Variants in IQUB observed in about 807,000 individuals in gnomAD.
IQUB encodes the protein IQ motif and ubiquitin domain containing, also known as IQ motif and ubiquitin-like domain-containing protein.
IQUB carries 86 observed loss-of-function variants against 86.4 expected under a neutral mutation model. The ratio of observed to expected loss-of-function variants is 1.00; its 90% CI spans 0.84 to 1.19. The LOEUF (loss-of-function observed/expected upper bound fraction) is 1.19, where lower values mean the gene tolerates loss of function less well. Ranked by LOEUF, IQUB falls within the 50% of genes most tolerant of loss-of-function variation. The pLI, the probability that IQUB is intolerant of heterozygous loss-of-function variation, is 0.00. For missense variants in IQUB, 946 were observed against 916.9 expected (o/e 1.03, Z -0.41); for synonymous variants, 289 against 304.5 (o/e 0.95, Z 0.53).
intron 10 of IQUB, among the ~76,000 whole-genome samples, chr7:123,462,459 C>T (rs1177677242): frequency 6.6e-6 from 1 of 151,738 alleles, no homozygotes; most frequent in Non-Finnish European, 1.5e-5. Context: ...TGCACCTTCC[C>T]CTCTACTCTG....
At chr7:123,474,965 C>T (rs1424521225) in intron 8 of IQUB, among the ~76,000 whole-genome samples, 1 of 152,166 alleles carries the variant, frequency 6.6e-6, no homozygotes, top group African/African-American at 2.4e-5. Context: ...TTCATCCTTC[C>T]CTCAATTCTC....
intron 9 of IQUB, among the ~76,000 whole-genome samples, chr7:123,465,825 TTA>T (rs904361153): frequency 6.6e-6 from 1 of 152,020 alleles, no homozygotes; most frequent in Non-Finnish European, 1.5e-5. Context: ...TTTAAAAATT[TTA>T]ATATTGTCCT....
chr7:123,505,604 T>C (rs1336222667), intron 3 of IQUB, among the ~76,000 whole-genome samples: 1 of 152,202 alleles, frequency 6.6e-6, no homozygotes, highest in African/African-American at 2.4e-5. Flanking sequence ...GGAGCCCTTT[T>C]AGCCAGAGCA....
rs185315845 is a variant in IQUB at position 123,509,745 on chromosome 7, T to C, written c.532+156A>G. Among the ~76,000 whole-genome samples the C allele has an allele frequency of 2.3e-3, 347 of 152,310 alleles. 2 individuals are homozygous for C. The highest frequency in any genetic ancestry group is 4.0e-3 in the Non-Finnish European group (275 of 67,990). On this transcript the variant is annotated intron_variant, in intron 3 of 12. Transcript: ENST00000324698. ...TTAGCAAAGTATCTAGAACAAAGTA[T>C]GTCCTTACTAAATATGTATTGAATG... is the stretch of plus-strand genomic sequence containing the variant.
At chr7:123,502,877 A>G in intron 5 of IQUB, 67 bp downstream of exon 5, 1 of 1,422,840 alleles carries the variant, frequency 7.0e-7, no homozygotes, top group East Asian at 2.3e-5. Flanking sequence ...GAAATTTGAG[A>G]GAGTCATACA....
intron 8 of IQUB, among the ~76,000 whole-genome samples, chr7:123,472,008 C>T (rs7801021): frequency 0.015 from 2,343 of 152,084 alleles, 56 homozygotes; most frequent in African/African-American, 0.053. Context: ...GAGGCCAAGG[C>T]GGGCAGATTA....
At chr7:123,452,988 T>C (rs565731544) in intron 12 of IQUB, 63 bp from the exon 13 acceptor site, 11 of 1,273,308 alleles carry the variant, frequency 8.6e-6, no homozygotes, top group East Asian at 4.9e-5. Flanking sequence ...GTAAAAATAC[T>C]GTCATGCCTC....
chr7:123,510,208 C>A (rs573390743), intron 2 of IQUB, among the ~76,000 whole-genome samples, 173 bp from the exon 3 acceptor site: 1 of 152,158 alleles, frequency 6.6e-6, no homozygotes, highest in South Asian at 2.1e-4. Flanking sequence ...TTTTAATTTT[C>A]TATAAGGAGA....
intron 1 of IQUB, among the ~76,000 whole-genome samples, chr7:123,531,882 A>G (rs1417920801): frequency 6.6e-6 from 1 of 152,236 alleles, no homozygotes; most frequent in East Asian, 1.9e-4. Flanking sequence ...CACTTCCATT[A>G]GCAAGCTCAA....
At chr7:123,512,421 G>C in intron 1 of IQUB, 77 bp from the exon 2 acceptor site, 2 of 802,342 alleles carry the variant, frequency 2.5e-6, no homozygotes, top group Non-Finnish European at 3.7e-6. Flanking sequence ...TGCTAGTATA[G>C]AGTAACATTC....
Position 123,503,061 on chromosome 7 carries a change from T to C in IQUB, c.750A>G (p.Lys250=), listed in dbSNP as rs1796020478. The C allele has an allele frequency of 1.2e-5, 20 of 1,613,332 alleles. No individual in the cohort carries two copies. The highest frequency in any genetic ancestry group is 1.7e-5 in the Non-Finnish European group (20 of 1,179,668). ...PVEIVKSDFH[K]PFLGGFRHKV... is the part of the protein sequence containing the mutation. ...TATGTCTGAATCCACCAAGAAATGG[T>C]TTGTGAAAGTCAGATTTGACAATCT... The change falls in exon 5 of 13, where the codon AAA becomes AAG. Residue 250 remains lysine, a synonymous_variant. Coordinates refer to ENST00000324698, the MANE Select transcript of IQUB (RefSeq NM_178827.5).
In IQUB at chr7:123,507,450, C is replaced by T. The variant is rs556860783; in HGVS notation, c.532+2451G>A. ...ATGCATTTTTGACATATGATGTTTC[C>T]AATTTATGACAGGTTTACTGGGACA... On this transcript the variant is annotated intron_variant, in intron 3 of 12. Transcript: ENST00000324698. 4.6e-5 allele frequency among the ~76,000 whole-genome samples: 7 copies of T among 152,268 alleles called. No individual in the cohort carries two copies. The East Asian group carries it at 1.2e-3, about 25-fold the overall frequency.
intron 10 of IQUB, chr7:123,462,980 T>G (rs1794072012): frequency 3.0e-6 from 1 of 333,188 alleles, no homozygotes. Context: ...TTCCTTCAAA[T>G]TCTTCTCCCA....
chr7:123,518,328 C>T (rs989482975), intron 1 of IQUB, among the ~76,000 whole-genome samples: 2 of 151,900 alleles, frequency 1.3e-5, no homozygotes, highest in African/African-American at 4.8e-5. Flanking sequence ...CCAACCCCTG[C>T]CAAAAAAATC....
At chr7:123,529,724 T>TA (rs753026777) in intron 1 of IQUB, among the ~76,000 whole-genome samples, 1,402 of 35,792 alleles carry the variant, frequency 0.039, 276 homozygotes, top group African/African-American at 0.12. Flanking sequence ...TGTCTCTACT[T>TA]AAAAAAAAAA....
chr7:123,508,355 G>A (rs1286065285), intron 3 of IQUB, among the ~76,000 whole-genome samples: 1 of 152,154 alleles, frequency 6.6e-6, no homozygotes, highest in Non-Finnish European at 1.5e-5. Flanking sequence ...CGAAATATAT[G>A]TGCTGCTTTA....
intron 6 of IQUB, among the ~76,000 whole-genome samples, chr7:123,497,780 C>A (rs947239992): frequency 2.0e-5 from 3 of 149,534 alleles, no homozygotes; most frequent in African/African-American, 7.4e-5. Flanking sequence ...AGGGGTCCCC[C>A]AAAAGAATAG....
Position 123,452,778 on chromosome 7 carries a change from G to GTGTT in IQUB, c.2337_2340dup (p.Pro781AsnfsTer3). The GTGTT allele has an allele frequency of 6.2e-7, 1 of 1,613,396 alleles. No homozygotes were observed. ...GGCCTCTGGGATTCTATAATCTTAGGTGTTGTGTCTGAGTGATACTTCCAT... is the reference window on the plus strand; with the variant it reads ...GGCCTCTGGGATTCTATAATCTTAGGTGTTTGTTGTGTCTGAGTGATACTTCCAT... On this transcript the variant is annotated frameshift_variant, in exon 13 of 13. Transcript: ENST00000324698. LOFTEE classifies it low-confidence loss of function (END_TRUNC).
chr7:123,492,155 A>G (rs1525640), intron 7 of IQUB, among the ~76,000 whole-genome samples: 124,385 of 152,098 alleles, frequency 0.82, 50,920 homozygotes, highest in African/African-American at 0.83. Flanking sequence ...TGGAGTTCCC[A>G]GACTTGAGAA....
Sources: gnomAD v4.1 joint callset for allele counts (sites outside exome capture counted in the v4.1 genomes callset) on GRCh38, gnomAD v4.1.1 for gene constraint, MANE v1.5 for transcripts, NCBI Gene and HGNC (gene_info 2026-07-23, HGNC 2026-07-21) for gene names.